The following EIF4G3 variants were observed in gnomAD, a reference collection of about 807,000 sequenced individuals.
EIF4G3 encodes the protein eukaryotic translation initiation factor 4 gamma 3, also known as eIF-4-gamma 3.
EIF4G3 carries 34 observed loss-of-function variants against 186.4 expected under a neutral mutation model. The ratio of observed to expected loss-of-function variants is 0.18; its 90% CI spans 0.14 to 0.24. EIF4G3 has a LOEUF of 0.24. Ranked by LOEUF, EIF4G3 falls within the 10% of genes least tolerant of loss-of-function variation. The pLI, the probability that EIF4G3 is intolerant of heterozygous loss-of-function variation, is 1.00. For missense variants in EIF4G3, 1,536 were observed against 1,948.5 expected (o/e 0.79, Z 3.99); for synonymous variants, 673 against 679.5 (o/e 0.99, Z 0.15).
intron 18 of EIF4G3, chr1:20,892,531 TAAC>T (rs1355063627): frequency 5.9e-6 from 6 of 1,013,598 alleles, no homozygotes; most frequent in Non-Finnish European, 8.9e-6. Flanking sequence ...AATTTTGACT[TAAC>T]AATCAATAGT....
At chr1:20,946,316 T>C (rs1019288214) in intron 13 of EIF4G3, among the ~76,000 whole-genome samples, 1 of 152,218 alleles carries the variant, frequency 6.6e-6, no homozygotes. Flanking sequence ...TAATTATCCA[T>C]ACCATATCCT....
intron 8 of EIF4G3, among the ~76,000 whole-genome samples, chr1:20,981,647 GTA>G (rs1558552001): frequency 5.3e-5 from 6 of 112,680 alleles, no homozygotes; most frequent in Non-Finnish European, 1.1e-4. Context: ...CATACTGTAT[GTA>G]TACATACATG....
chr1:20,900,174 G>A (rs977098459), intron 15 of EIF4G3, among the ~76,000 whole-genome samples: 1 of 152,104 alleles, frequency 6.6e-6, no homozygotes, highest in African/African-American at 2.4e-5. Context: ...TTTAACATGA[G>A]ACTAATAATA....
At chr1:20,891,600 G>A (rs1416442941) in intron 18 of EIF4G3, among the ~76,000 whole-genome samples, 76 of 132,802 alleles carry the variant, frequency 5.7e-4, no homozygotes, top group African/African-American at 1.7e-3. Flanking sequence ...GTGAAACCCC[G>A]TCTCTACTAA....
intron 14 of EIF4G3, among the ~76,000 whole-genome samples, chr1:20,908,101 T>G (rs890430793): frequency 1.3e-5 from 2 of 152,212 alleles, no homozygotes; most frequent in Non-Finnish European, 2.9e-5. Context: ...TGGTGTGAGA[T>G]AGTATCTCAT....
intron 4 of EIF4G3, among the ~76,000 whole-genome samples, chr1:21,029,822 CAA>C (rs2092572846): frequency 6.6e-6 from 1 of 152,014 alleles, no homozygotes; most frequent in South Asian, 2.1e-4. Context: ...GAAAAAGGAA[CAA>C]AGACTATGGT....
intron 2 of EIF4G3, among the ~76,000 whole-genome samples, chr1:21,157,997 T>C (rs1009926487): frequency 1.6e-4 from 25 of 152,018 alleles, no homozygotes; most frequent in African/African-American, 6.0e-4. Flanking sequence ...GAGCAGTAAG[T>C]TTCCGAAGGC....
chr1:21,118,785 C>CAAAAA (rs796933675), intron 2 of EIF4G3, among the ~76,000 whole-genome samples: 1 of 86,288 alleles, frequency 1.2e-5, no homozygotes. Context: ...GACTACATCT[C>CAAAAA]AAAAAAAAAA....
chr1:21,160,503 G>T (rs748458733), intron 2 of EIF4G3, among the ~76,000 whole-genome samples: 1 of 152,088 alleles, frequency 6.6e-6, no homozygotes, highest in Admixed American at 6.6e-5. Flanking sequence ...ACTACAAAAG[G>T]AAAGAGAATA....
chr1:20,846,805 T>C (rs1241605924), intron 29 of EIF4G3, among the ~76,000 whole-genome samples: 5 of 152,232 alleles, frequency 3.3e-5, no homozygotes, highest in South Asian at 2.1e-4. Flanking sequence ...CTTACTACTT[T>C]AGAGTTTAGG....
At chr1:20,954,169 C>T (rs2096319953) in intron 12 of EIF4G3, among the ~76,000 whole-genome samples, 1 of 152,032 alleles carries the variant, frequency 6.6e-6, no homozygotes, top group Non-Finnish European at 1.5e-5. Context: ...GTATAAATAC[C>T]TCATGTATTT....
chr1:21,102,119 A>T (rs36052561), intron 2 of EIF4G3, among the ~76,000 whole-genome samples: 3,123 of 152,252 alleles, frequency 0.021, 62 homozygotes, highest in Non-Finnish European at 0.027. Flanking sequence ...TATCTGAGGA[A>T]AAAAGACAAA....
At chr1:20,972,432 G>C (rs769163409) in intron 11 of EIF4G3, among the ~76,000 whole-genome samples, 2 of 151,966 alleles carry the variant, frequency 1.3e-5, no homozygotes, top group Non-Finnish European at 2.9e-5. Flanking sequence ...TCAGGAGTTC[G>C]AGATCACCCT....
At chr1:20,900,078 G>T (rs1039228381) in intron 15 of EIF4G3, 135 bp from the exon 16 acceptor site, 3 of 912,614 alleles carry the variant, frequency 3.3e-6, no homozygotes, top group Non-Finnish European at 4.9e-6. Flanking sequence ...TCAGCATGTG[G>T]TATTAGAATG....
chr1:20,949,953 A>T (rs778288800), intron 13 of EIF4G3, 50 bp downstream of exon 13: 3 of 1,454,298 alleles, frequency 2.1e-6, no homozygotes, highest in Admixed American at 1.7e-5. Flanking sequence ...CAATGTAATT[A>T]ATAAAAAAGA....
At position 20,956,673 on chromosome 1, in the gene EIF4G3, T is replaced by C. The variant is rs563536950; in HGVS notation, c.715-6562A>G. On this transcript the variant is annotated intron_variant, in intron 12 of 36. Coordinates refer to ENST00000602326, the MANE Select transcript of EIF4G3 (RefSeq NM_001391906.1). Reference sequence around the variant, plus strand: ...ACATCAAACACCTGTTGAAATATTTTATTTTATTCAATTTTTTGAGACAGG... The same window carrying C: ...ACATCAAACACCTGTTGAAATATTTCATTTTATTCAATTTTTTGAGACAGG... Among the ~76,000 whole-genome samples, 182 of 151,834 alleles carry C rather than the reference T, an allele frequency of 1.2e-3. 2 individuals carry two copies. Among genetic ancestry groups the C allele is most frequent in the African/African-American group, 4.2e-3 (172 of 41,410 alleles).
At chr1:20,875,652 G>A (rs895294855) in intron 20 of EIF4G3, among the ~76,000 whole-genome samples, 1 of 152,170 alleles carries the variant, frequency 6.6e-6, no homozygotes. Context: ...AATGGCTAAC[G>A]CCTATAATCC....
At chr1:20,884,738 C>A (rs1364072272) in intron 19 of EIF4G3, among the ~76,000 whole-genome samples, 1 of 152,188 alleles carries the variant, frequency 6.6e-6, no homozygotes, top group African/African-American at 2.4e-5. Flanking sequence ...TACAGTTTGA[C>A]AGCATGGCTA....
chr1:20,912,527 T>C (rs1311104596), intron 14 of EIF4G3, among the ~76,000 whole-genome samples: 2 of 152,164 alleles, frequency 1.3e-5, no homozygotes, highest in South Asian at 2.1e-4. Flanking sequence ...GTCTCTTAGA[T>C]TGAAGTGACA....
Sources: gnomAD v4.1 joint callset for allele counts (sites outside exome capture counted in the v4.1 genomes callset) on GRCh38, gnomAD v4.1.1 for gene constraint, MANE v1.5 for transcripts, NCBI Gene and HGNC (gene_info 2026-07-23, HGNC 2026-07-21) for gene names.